The following CTDSPL variants were observed in gnomAD, a reference collection of about 807,000 sequenced individuals.
CTDSPL encodes the protein CTD small phosphatase-like protein.
CTDSPL carries 8 observed loss-of-function variants against 30.5 expected under a neutral mutation model. The observed-to-expected ratio is 0.26, with a 90% confidence interval of 0.15 to 0.47. CTDSPL has a LOEUF of 0.47. Among genes scored for constraint, CTDSPL ranks in the 20% least tolerant of loss-of-function variants. The pLI is 0.99. For missense variants in CTDSPL, 248 were observed against 366.1 expected (o/e 0.68, Z 2.63); for synonymous variants, 110 against 137.9 (o/e 0.80, Z 1.42).
chr3:37,956,980 A>T (rs1013780951), intron 2 of CTDSPL, 131 bp from the exon 3 acceptor site: 1 of 792,844 alleles, frequency 1.3e-6, no homozygotes, highest in East Asian at 2.6e-5. Context: ...CCTCCTGTTG[A>T]TTAAACACCA....
chr3:37,871,966 G>T (rs944845679), intron 1 of CTDSPL, among the ~76,000 whole-genome samples: 7 of 151,858 alleles, frequency 4.6e-5, no homozygotes, highest in Admixed American at 2.0e-4. Context: ...TTTCCATTTG[G>T]TTTTTCTTTA....
chr3:37,923,139 G>C lies in CTDSPL; in HGVS notation c.80-23918G>C, dbSNP rs1233022982. 2.0e-5 allele frequency among the ~76,000 whole-genome samples: 3 copies of C among 152,328 alleles called. No homozygotes were observed. The East Asian group carries it at 5.8e-4, about 29-fold the overall frequency. ...AAACCTGTAATCAGACTGTTGCAAA[G>C]GTTCTGTGGAGGGAGGGACAGTGGC... On this transcript the variant is annotated intron_variant, in intron 1 of 7. Coordinates refer to ENST00000273179, the MANE Select transcript of CTDSPL (RefSeq NM_001008392.2).
intron 1 of CTDSPL, among the ~76,000 whole-genome samples, chr3:37,873,799 A>G (rs1200770794): frequency 6.6e-6 from 1 of 152,264 alleles, no homozygotes; most frequent in African/African-American, 2.4e-5. Flanking sequence ...AAGAGAAAAG[A>G]TAATTCACTG....
At chr3:37,977,917 A>G (rs529680743) in intron 7 of CTDSPL, among the ~76,000 whole-genome samples, 8 of 152,260 alleles carry the variant, frequency 5.3e-5, no homozygotes, top group African/African-American at 1.9e-4. Context: ...AGAAAAAAAT[A>G]ATACATCATG....
intron 1 of CTDSPL, among the ~76,000 whole-genome samples, chr3:37,922,524 G>A (rs185991107): frequency 8.9e-4 from 136 of 152,298 alleles, no homozygotes; most frequent in African/African-American, 3.1e-3. Flanking sequence ...TCCACTCCAT[G>A]GGGAGATTCT....
intron 1 of CTDSPL, among the ~76,000 whole-genome samples, chr3:37,867,110 C>G (rs989463967): frequency 1.5e-4 from 23 of 151,948 alleles, no homozygotes; most frequent in African/African-American, 5.6e-4. Flanking sequence ...CTGCTTCCCT[C>G]CCATGCCCAC....
At chr3:37,964,272 T>G (rs1043681020) in intron 3 of CTDSPL, among the ~76,000 whole-genome samples, 1 of 152,132 alleles carries the variant, frequency 6.6e-6, no homozygotes, top group Non-Finnish European at 1.5e-5. Flanking sequence ...CCATTATAAC[T>G]GATAACAACA....
intron 1 of CTDSPL, among the ~76,000 whole-genome samples, chr3:37,922,238 GAAA>G (rs929624159): frequency 1.4e-5 from 2 of 144,694 alleles, no homozygotes; most frequent in East Asian, 4.0e-4. Context: ...CTGTCTCAAG[GAAA>G]AAAAAAAAGA....
intron 5 of CTDSPL, among the ~76,000 whole-genome samples, chr3:37,970,675 CT>C (rs756924668): frequency 2.6e-5 from 4 of 152,188 alleles, no homozygotes; most frequent in Non-Finnish European, 5.9e-5. Flanking sequence ...CTGCTACCCC[CT>C]GGCCTGGCCT....
intron 1 of CTDSPL, among the ~76,000 whole-genome samples, chr3:37,907,076 TC>T (rs1698524423): frequency 6.6e-6 from 1 of 152,238 alleles, no homozygotes; most frequent in Admixed American, 6.5e-5. Context: ...AACCCCCACT[TC>T]CTTTTGTTCT....
chr3:37,926,289 C>T (rs971730202), intron 1 of CTDSPL, among the ~76,000 whole-genome samples: 1 of 152,174 alleles, frequency 6.6e-6, no homozygotes, highest in Non-Finnish European at 1.5e-5. Flanking sequence ...CAAAGCCATG[C>T]CAGGGAACTG....
At chr3:37,920,436 C>T (rs1000380792) in intron 1 of CTDSPL, among the ~76,000 whole-genome samples, 5 of 152,198 alleles carry the variant, frequency 3.3e-5, no homozygotes, top group Non-Finnish European at 5.9e-5. Context: ...AACAGTTCTC[C>T]TCCTTTTAAT....
intron 1 of CTDSPL, among the ~76,000 whole-genome samples, chr3:37,942,408 C>T (rs1179523470): frequency 1.3e-5 from 2 of 150,330 alleles, no homozygotes; most frequent in African/African-American, 4.8e-5. Context: ...TTCGGGAGGC[C>T]GAGGCAAGCA....
intron 1 of CTDSPL, among the ~76,000 whole-genome samples, chr3:37,891,417 T>C (rs531104594): frequency 2.6e-5 from 4 of 152,316 alleles, no homozygotes; most frequent in Admixed American, 6.5e-5. Flanking sequence ...GAAAGGGCCC[T>C]TCTACTCCTA....
At chr3:37,954,791 C>T (rs1699150996) in intron 2 of CTDSPL, 14 of 152,274 alleles carry the variant, frequency 9.2e-5, no homozygotes, top group Admixed American at 9.2e-4. Context: ...TGGGAGGAGT[C>T]AGCACCCCAA....
intron 7 of CTDSPL, among the ~76,000 whole-genome samples, chr3:37,976,199 C>G (rs545319421): frequency 6.6e-6 from 1 of 152,204 alleles, no homozygotes; most frequent in South Asian, 2.1e-4. Context: ...GCTCTATAAG[C>G]CTGTATCGTC....
At chr3:37,953,689 T>C (rs571417410) in intron 2 of CTDSPL, among the ~76,000 whole-genome samples, 1 of 152,218 alleles carries the variant, frequency 6.6e-6, no homozygotes, top group Admixed American at 6.5e-5. Flanking sequence ...GGGCACTTTA[T>C]GACAAATGGT....
intron 7 of CTDSPL, among the ~76,000 whole-genome samples, chr3:37,978,040 T>C (rs1457681464): frequency 1.3e-5 from 2 of 152,232 alleles, no homozygotes; most frequent in African/African-American, 2.4e-5. Flanking sequence ...GCCTGATCCA[T>C]CTATTATAAA....
chr3:37,966,625 C>T (rs1699301425), intron 4 of CTDSPL, among the ~76,000 whole-genome samples: 1 of 152,192 alleles, frequency 6.6e-6, no homozygotes. Flanking sequence ...TCATCCTTGG[C>T]CTTCCAACTC....
Sources: gnomAD v4.1 joint callset for allele counts (sites outside exome capture counted in the v4.1 genomes callset) on GRCh38, gnomAD v4.1.1 for gene constraint, MANE v1.5 for transcripts, NCBI Gene and HGNC (gene_info 2026-07-23, HGNC 2026-07-21) for gene names.